Variants in PLXNA2 observed in about 807,000 individuals in gnomAD.
PLXNA2 encodes plexin-A2.
PLXNA2 carries 91 observed loss-of-function variants against 193.5 expected under a neutral mutation model. The ratio of observed to expected loss-of-function variants is 0.47; its 90% CI spans 0.40 to 0.56. The LOEUF is 0.56. PLXNA2 is among the 20% of genes least tolerant of loss of function. PLXNA2 has a pLI of 0.00. For missense variants in PLXNA2, 1,995 were observed against 2,503.2 expected (o/e 0.80, Z 4.33); for synonymous variants, 997 against 1,027.3 (o/e 0.97, Z 0.56).
At chr1:208,071,044 T>A (rs544818404) in intron 12 of PLXNA2, among the ~76,000 whole-genome samples, 119 of 152,308 alleles carry the variant, frequency 7.8e-4, no homozygotes, top group African/African-American at 2.8e-3. Context: ...GTGGGGACAT[T>A]GCCCAGCGTG....
intron 1 of PLXNA2, among the ~76,000 whole-genome samples, chr1:208,226,385 A>G (rs1017751146): frequency 1.3e-5 from 2 of 151,878 alleles, no homozygotes; most frequent in East Asian, 3.9e-4. Context: ...GCTCTGATCG[A>G]GCCCTGGAAA....
At chr1:208,064,061 C>T (rs977600578) in intron 12 of PLXNA2, among the ~76,000 whole-genome samples, 2 of 152,182 alleles carry the variant, frequency 1.3e-5, no homozygotes, top group Non-Finnish European at 2.9e-5. Context: ...GGTTAATGGA[C>T]TCACCATGCA....
chr1:208,072,873 G>A (rs1449138997), intron 12 of PLXNA2, among the ~76,000 whole-genome samples: 2 of 152,192 alleles, frequency 1.3e-5, no homozygotes, highest in Non-Finnish European at 2.9e-5. Flanking sequence ...CTCTTGGTAA[G>A]TTCCAAGAGG....
Position 208,217,816 on chromosome 1 carries a change from G to A in PLXNA2, c.107C>T (p.Pro36Leu). 1 of 1,614,162 alleles carries A rather than the reference G, an allele frequency of 6.2e-7. No individual in the cohort carries two copies. The highest frequency in any genetic ancestry group is 2.2e-5 in the East Asian group (1 of 44,876). ...VLLAPPAAGM[P>L]QFSTFHSENR... ...CTCAGAGTGGAAGGTGCTGAACTGA[G>A]GCATGCCGGCTGCTGGGGGGGCCAG... The change falls in exon 2 of 32, where the codon CCT (proline) becomes CTT (leucine). Residue 36 changes from proline (P) to leucine (L), a missense_variant. Around this residue, in one of 3 missense-constraint regions of PLXNA2, gnomAD observed 702 missense variants for 812.9 expected, o/e 0.86. Transcript: ENST00000367033. This position sits in a 1 kb window ranked among gnomAD's most constrained non-coding sequence, Gnocchi z 4.7.
At chr1:208,142,539 A>T in intron 3 of PLXNA2, 76 bp from the exon 4 acceptor site, 1 of 1,422,366 alleles carries the variant, frequency 7.0e-7, no homozygotes, top group South Asian at 1.5e-5. Flanking sequence ...TGCCCAGAGC[A>T]GGTAGCTTAC....
chr1:208,172,745 G>A (rs757774402), intron 3 of PLXNA2, among the ~76,000 whole-genome samples: 2 of 152,166 alleles, frequency 1.3e-5, no homozygotes, highest in Non-Finnish European at 2.9e-5. Flanking sequence ...GCCTTACCTG[G>A]GAGTCCCTGC....
chr1:208,053,020 G>A (rs750964630), intron 14 of PLXNA2, among the ~76,000 whole-genome samples: 1 of 152,226 alleles, frequency 6.6e-6, no homozygotes, highest in East Asian at 1.9e-4. Context: ...TCAGGAGGAT[G>A]GCGCATCACT....
Position 208,028,942 on chromosome 1 carries a change from G to A in PLXNA2, c.5326C>T (p.Gln1776Ter). 1 of 1,614,130 alleles carries A rather than the reference G, an allele frequency of 6.2e-7. No individual in the cohort carries two copies. The highest frequency in any genetic ancestry group is 8.5e-7 in the Non-Finnish European group (1 of 1,180,014). ...ITDACLSVVAQTFMDSCSTSE... is the reference protein window; with the variant it reads ...ITDACLSVVA Reference sequence around the variant, plus strand: ...GTTGAACAAGAGTCCATGAAGGTCTGGGCCACCACAGAGAGGCAGGCGTCC... The same window carrying A: ...GTTGAACAAGAGTCCATGAAGGTCTAGGCCACCACAGAGAGGCAGGCGTCC... Residue 1776 changes from glutamine (Q) to a stop codon, truncating the protein, a stop_gained, in exon 30 of 32, where the codon CAG becomes TAG. Transcript: ENST00000367033. LOFTEE classifies it high-confidence loss of function. The surrounding 1 kb of genome is among the most constrained non-coding windows in gnomAD (Gnocchi z 4.2).
chr1:208,207,855 A>G (rs1331239911), intron 3 of PLXNA2, among the ~76,000 whole-genome samples: 2 of 152,168 alleles, frequency 1.3e-5, no homozygotes, highest in African/African-American at 2.4e-5. Context: ...AGGAGGAAGG[A>G]GGGGTGTCAT....
rs187295313 is a variant in PLXNA2 at position 208,189,246 on chromosome 1, G to A, written c.1371+21034C>T. On this transcript the variant is annotated intron_variant, in intron 3 of 31. Coordinates refer to ENST00000367033, the MANE Select transcript of PLXNA2 (RefSeq NM_025179.4). ...GAATCTCTGCTAAGTTAGGGATGAA[G>A]TGGGAGAGTCTTATGGTGATGACTG... Among the ~76,000 whole-genome samples, 2 of 152,338 alleles carry A rather than the reference G, an allele frequency of 1.3e-5. 1 individual carries two copies. The highest frequency in any genetic ancestry group is 1.3e-4 in the Admixed American group (2 of 15,306).
intron 12 of PLXNA2, among the ~76,000 whole-genome samples, chr1:208,067,562 T>A (rs187338529): frequency 1.2e-4 from 18 of 152,304 alleles, no homozygotes; most frequent in Admixed American, 1.2e-3. Flanking sequence ...ATACCCTATA[T>A]GGCGTACCAT....
At chr1:208,240,370 A>T (rs1672008262) in intron 1 of PLXNA2, among the ~76,000 whole-genome samples, 1 of 152,226 alleles carries the variant, frequency 6.6e-6, no homozygotes, top group Non-Finnish European at 1.5e-5. Flanking sequence ...GACCCTGGGA[A>T]GAACTGCCTT....
chr1:208,165,012 C>T (rs183856645), intron 3 of PLXNA2, among the ~76,000 whole-genome samples: 2 of 152,340 alleles, frequency 1.3e-5, no homozygotes, highest in African/African-American at 4.8e-5. Flanking sequence ...GCTGCTGGAC[C>T]CTCCGCTTCT....
intron 3 of PLXNA2, among the ~76,000 whole-genome samples, chr1:208,208,003 T>C (rs1168917597): frequency 6.6e-6 from 1 of 152,250 alleles, no homozygotes. Flanking sequence ...CAGTAACTTG[T>C]CCGTCAGGGT....
Position 208,044,236 on chromosome 1 carries a change from G to A in PLXNA2, c.3874+272C>T, listed in dbSNP as rs1423505386. Among the ~76,000 whole-genome samples the A allele has an allele frequency of 6.6e-6, 1 of 152,264 alleles. No homozygotes were observed. Among genetic ancestry groups the A allele is most frequent in the African/African-American group, 2.4e-5 (1 of 41,468 alleles). ...GTGGGGACATTGAGGCCCTGAGAGG[G>A]AGAAAGTGTTTGCCAGATTGTGGGA... On this transcript the variant is annotated intron_variant, in intron 20 of 31. Coordinates refer to ENST00000367033, the MANE Select transcript of PLXNA2 (RefSeq NM_025179.4). This position sits in a 1 kb window ranked among gnomAD's most constrained non-coding sequence, Gnocchi z 4.9.
chr1:208,202,924 C>CA, intron 3 of PLXNA2, among the ~76,000 whole-genome samples: 1 of 152,300 alleles, frequency 6.6e-6, no homozygotes, highest in Admixed American at 6.5e-5. Context: ...AGAAACTACA[C>CA]AAAAAGTACA....
At chr1:208,141,808 C>CT (rs935470615) in intron 4 of PLXNA2, among the ~76,000 whole-genome samples, 5 of 152,228 alleles carry the variant, frequency 3.3e-5, no homozygotes, top group African/African-American at 1.2e-4. Context: ...GGGTAGAAGT[C>CT]TATTTCTCAG....
rs760158975 is a variant in PLXNA2, at chr1:208,033,464, C to G, written c.4910G>C (p.Arg1637Pro). The G allele has an allele frequency of 1.2e-6, 2 of 1,613,038 alleles. No homozygotes were observed. The highest frequency in any genetic ancestry group is 1.7e-6 in the Non-Finnish European group (2 of 1,179,402). The change falls in exon 28 of 32, where the codon CGG becomes CCG. Residue 1637 changes from arginine to proline, a missense_variant. By Grantham distance (103) the Arg-to-Pro change is moderately radical (BLOSUM62 -2). Around this residue, in one of 3 missense-constraint regions of PLXNA2, gnomAD observed 1,291 missense variants for 1,673.6 expected, o/e 0.77. Transcript: ENST00000367033. Reference protein sequence around the residue: ...YTGSPDSLRSRAPMITPDLES... With the variant: ...YTGSPDSLRSPAPMITPDLES... ...CAGGTCTGGGGTGATCATCGGGGCCCGGGACCGCAGGCTGTCGGGGCTGCC... is the reference window on the plus strand; with the variant it reads ...CAGGTCTGGGGTGATCATCGGGGCCGGGGACCGCAGGCTGTCGGGGCTGCC...
At chr1:208,153,478 A>C (rs906440461) in intron 3 of PLXNA2, among the ~76,000 whole-genome samples, 1 of 152,192 alleles carries the variant, frequency 6.6e-6, no homozygotes, top group East Asian at 1.9e-4. Context: ...AACCACCCGG[A>C]ATCTTCTGGA....
Sources: gnomAD v4.1 joint callset for allele counts (sites outside exome capture counted in the v4.1 genomes callset) on GRCh38, gnomAD v4.1.1 for gene constraint, gnomAD v4.1.1 regional missense constraint, Gnocchi (gnomAD v3.1) non-coding constraint, MANE v1.5 for transcripts, NCBI Gene and HGNC (gene_info 2026-07-23, HGNC 2026-07-21) for gene names.